VIT: variants seen among roughly 807,000 people sequenced by gnomAD.
The protein encoded by VIT is vitrin.
In VIT, 99 loss-of-function variants were observed where a neutral mutation model predicts 78.0. The observed-to-expected ratio is 1.27, with a 90% CI of 1.08 to 1.50. The LOEUF is 1.50. Ranked by LOEUF, VIT falls within the 40% of genes most tolerant of loss-of-function variation. The pLI is 0.00. For missense variants in VIT, 1,126 were observed against 875.3 expected (o/e 1.29, Z -3.61); for synonymous variants, 374 against 334.3 (o/e 1.12, Z -1.29).
intron 11 of VIT, among the ~76,000 whole-genome samples, chr2:36,786,045 G>A (rs779502549): frequency 6.6e-6 from 1 of 152,190 alleles, no homozygotes; most frequent in Non-Finnish European, 1.5e-5. Flanking sequence ...TGGAGAACAT[G>A]GGTGGTTGTG....
At position 36,801,291 on chromosome 2, in the gene VIT, G is replaced by A; in HGVS notation, c.1059-10G>A. 5 of 1,610,208 alleles carry A rather than the reference G, an allele frequency of 3.1e-6. No homozygotes were observed. The highest frequency in any genetic ancestry group is 4.2e-6 in the Non-Finnish European group (5 of 1,176,720). ...GCAGCTAATTTGTATTTCTTGTTCTGACTCTTCAGAGACAACCCTGCTACT... is the reference window on the plus strand; with the variant it reads ...GCAGCTAATTTGTATTTCTTGTTCTAACTCTTCAGAGACAACCCTGCTACT... On this transcript the variant is annotated splice_polypyrimidine_tract_variant and intron_variant, in intron 12 of 15. Coordinates refer to ENST00000379242, the MANE Select transcript of VIT (RefSeq NM_053276.4).
At chr2:36,781,835 G>C in intron 10 of VIT, 64 bp downstream of exon 10, 3 of 1,589,424 alleles carry the variant, frequency 1.9e-6, no homozygotes, top group Non-Finnish European at 2.6e-6. Context: ...GCAGAACTAA[G>C]AGTCTAATAA....
chr2:36,801,555 C>A, intron 13 of VIT, 151 bp downstream of exon 13: 1 of 679,530 alleles, frequency 1.5e-6, no homozygotes, highest in Non-Finnish European at 2.4e-6. Context: ...CACCTGTTAT[C>A]CCAGCACTTT....
intron 6 of VIT, among the ~76,000 whole-genome samples, chr2:36,765,921 T>C (rs914280570): frequency 1.3e-5 from 2 of 152,254 alleles, no homozygotes; most frequent in South Asian, 4.1e-4. Context: ...TAGCAGCTGA[T>C]ACAGGTACAC....
intron 2 of VIT, among the ~76,000 whole-genome samples, chr2:36,723,123 G>C (rs571418781): frequency 1.3e-5 from 2 of 151,966 alleles, no homozygotes; most frequent in South Asian, 4.1e-4. Context: ...TTTTAACCTT[G>C]TCAGAGTCAT....
chr2:36,743,057 T>C, intron 3 of VIT, 43 bp from the exon 4 acceptor site: 1 of 1,609,508 alleles, frequency 6.2e-7, no homozygotes, highest in Non-Finnish European at 8.5e-7. Flanking sequence ...ACAGATAAAC[T>C]AATAGCACAA....
chr2:36,715,800 G>A (rs746363302), intron 1 of VIT, among the ~76,000 whole-genome samples: 5 of 152,088 alleles, frequency 3.3e-5, no homozygotes, highest in African/African-American at 1.2e-4. Flanking sequence ...CTCTTATGAG[G>A]CCTTAACATT....
At position 36,805,508 on chromosome 2, in the gene VIT, T is replaced by C. The variant is rs746238755; in HGVS notation, c.1233T>C (p.Asn411=). 2 of 1,613,978 alleles carry C rather than the reference T, an allele frequency of 1.2e-6. No homozygotes were observed. Among genetic ancestry groups the C allele is most frequent in the Non-Finnish European group, 8.5e-7 (1 of 1,179,958 alleles). The change falls in exon 14 of 16, where the codon AAT becomes AAC. Residue 411 remains asparagine, a synonymous_variant. Transcript: ENST00000379242. ...KANGNRSGAP[N]VVVVMVDGWP... is the part of the protein sequence containing the mutation. ...ATGGAAACAGAAGCGGGGCTCCCAA[T>C]GTGGTGGTGGTGATGGTGGATGGCT...
intron 8 of VIT, 124 bp downstream of exon 8, chr2:36,773,971 C>G (rs902156464): frequency 2.2e-6 from 2 of 922,646 alleles, no homozygotes; most frequent in Non-Finnish European, 1.5e-6. Context: ...CTTAGGCCAA[C>G]AGAAGATGCC....
chr2:36,756,517 A>C (rs929307334), intron 5 of VIT, among the ~76,000 whole-genome samples: 1 of 152,316 alleles, frequency 6.6e-6, no homozygotes, highest in South Asian at 2.1e-4. Flanking sequence ...CCCATGCCTC[A>C]AGCCCCTACC....
At chr2:36,798,145 GC>G (rs944927385) in intron 12 of VIT, among the ~76,000 whole-genome samples, 4 of 152,186 alleles carry the variant, frequency 2.6e-5, no homozygotes, top group African/African-American at 9.7e-5. Flanking sequence ...AATTATGGAT[GC>G]TTTGAAAGCC....
Position 36,719,040 on chromosome 2 carries a change from C to T in VIT, c.52+2618C>T, listed in dbSNP as rs557017550. Among the ~76,000 whole-genome samples, 5 of 152,334 alleles carry T rather than the reference C, an allele frequency of 3.3e-5. No homozygotes were observed. In the South Asian group the frequency reaches 1.0e-3, roughly 32 times the overall value. On this transcript the variant is annotated intron_variant, in intron 2 of 15. Coordinates refer to ENST00000379242, the MANE Select transcript of VIT (RefSeq NM_053276.4). ...ACAAACAAACAAACTGAGGCCATTT[C>T]ACCTTCTGCATGTTCCCAGCATCAC...
intron 2 of VIT, among the ~76,000 whole-genome samples, chr2:36,723,922 G>A (rs1666668126): frequency 1.4e-5 from 2 of 140,288 alleles, no homozygotes; most frequent in African/African-American, 5.2e-5. Flanking sequence ...CTGCATTCTA[G>A]CCTGGGCAAG....
intron 15 of VIT, among the ~76,000 whole-genome samples, 173 bp from the exon 16 acceptor site, chr2:36,814,010 C>A (rs1024799088): frequency 6.6e-6 from 1 of 152,128 alleles, no homozygotes; most frequent in Non-Finnish European, 1.5e-5. Context: ...AATGGCCATA[C>A]TTAGTCTTTA....
rs958269980 is a variant in VIT, at chr2:36,696,758, G to A, written c.-234G>A. The A allele has an allele frequency of 1.3e-5, 2 of 151,812 alleles. No individual in the cohort carries two copies. The highest frequency in any genetic ancestry group is 4.8e-5 in the African/African-American group (2 of 41,244). The allele number at this position is 151,812 out of a possible 1,614,324, so 9.4% of individuals were successfully genotyped here. A position where few individuals can be genotyped will look rare whatever the true frequency, so the allele number is the denominator to read the frequency against. On this transcript the variant is annotated 5_prime_UTR_variant, in exon 1 of 16. Coordinates refer to ENST00000379242, the MANE Select transcript of VIT (RefSeq NM_053276.4). ...TGTGTGTGTGTGTATGTGTGTGGGG[G>A]GGGGTGTAAAATGTGTTTTTCAAAG...
intron 2 of VIT, among the ~76,000 whole-genome samples, chr2:36,720,948 C>T (rs777757411): frequency 2.6e-5 from 4 of 151,530 alleles, no homozygotes; most frequent in Admixed American, 1.3e-4. Context: ...AGGCAGAGCT[C>T]GCAGTGAGCT....
intron 6 of VIT, among the ~76,000 whole-genome samples, chr2:36,763,425 G>A (rs1374361577): frequency 1.6e-4 from 24 of 152,150 alleles, no homozygotes; most frequent in Non-Finnish European, 1.5e-4. Context: ...TTATGTAGCT[G>A]AGATTGCAGG....
intron 3 of VIT, among the ~76,000 whole-genome samples, chr2:36,741,948 A>G (rs1197795128): frequency 1.3e-5 from 2 of 152,162 alleles, no homozygotes; most frequent in Non-Finnish European, 2.9e-5. Context: ...CCTACTTGTG[A>G]AGATAACTAT....
At chr2:36,783,301 T>C in intron 10 of VIT, 39 bp from the exon 11 acceptor site, 1 of 1,611,120 alleles carries the variant, frequency 6.2e-7, no homozygotes, top group Non-Finnish European at 8.5e-7. Context: ...GCTGCTTCCT[T>C]TCCTTGTAAG....
Sources: allele counts gnomAD v4.1 joint callset (sites outside exome capture counted in the v4.1 genomes callset), GRCh38; gene constraint gnomAD v4.1.1; transcripts MANE v1.5; gene names NCBI Gene and HGNC (gene_info 2026-07-23, HGNC 2026-07-21).